The following WDPCP variants were observed in gnomAD, a reference collection of about 807,000 sequenced individuals.
WDPCP encodes WD repeat-containing and planar cell polarity effector protein fritz homolog.
A neutral mutation model predicts 93.1 loss-of-function variants in WDPCP; 71 were observed. The ratio of observed to expected loss-of-function variants is 0.76; its 90% CI spans 0.63 to 0.93. WDPCP has a LOEUF of 0.93. Among genes scored for constraint, WDPCP ranks in the 40% least tolerant of loss-of-function variants. WDPCP has a pLI of 0.00. For synonymous variants in WDPCP, 315 were observed against 315.0 expected (o/e 1.00, Z 0.00); for missense variants, 844 against 887.4 (o/e 0.95, Z 0.62).
chr2:63,699,933 C>A (rs1190736959), intron 2 of WDPCP, among the ~76,000 whole-genome samples: 1 of 152,000 alleles, frequency 6.6e-6, no homozygotes, highest in Non-Finnish European at 1.5e-5. Context: ...GGCTTTTGAG[C>A]AGGGGTGTGA....
intron 6 of WDPCP, among the ~76,000 whole-genome samples, chr2:63,444,062 A>G (rs544268479): frequency 3.3e-5 from 5 of 152,298 alleles, no homozygotes; most frequent in African/African-American, 1.2e-4. Flanking sequence ...CATCAACAAT[A>G]CAAAGGTAGT....
At chr2:63,579,837 A>C (rs1013744876) in intron 1 of WDPCP, among the ~76,000 whole-genome samples, 1 of 152,134 alleles carries the variant, frequency 6.6e-6, no homozygotes, top group Non-Finnish European at 1.5e-5. Context: ...TCTCATGTTG[A>C]AATTTGATGC....
At chr2:63,127,686 TATATATATAC>T (rs1402896359) in intron 17 of WDPCP, among the ~76,000 whole-genome samples, 3 of 147,054 alleles carry the variant, frequency 2.0e-5, no homozygotes, top group Non-Finnish European at 4.5e-5. Flanking sequence ...TATATATATA[TATATATATAC>T]GCACACACAC....
chr2:63,781,939 A>C (rs1012298560), intron 2 of WDPCP, among the ~76,000 whole-genome samples: 1 of 152,114 alleles, frequency 6.6e-6, no homozygotes, highest in African/African-American at 2.4e-5. Context: ...GTGTGTGTAT[A>C]TAAAAGGAGA....
At chr2:63,600,530 C>A (rs1709398717) in intron 3 of WDPCP, among the ~76,000 whole-genome samples, 1 of 152,176 alleles carries the variant, frequency 6.6e-6, no homozygotes, top group South Asian at 2.1e-4. Flanking sequence ...ATTGTATCTA[C>A]CTCAGAGAGT....
At chr2:63,268,133 A>G (rs567579841) in intron 13 of WDPCP, among the ~76,000 whole-genome samples, 1 of 152,344 alleles carries the variant, frequency 6.6e-6, no homozygotes, top group South Asian at 2.1e-4. Flanking sequence ...GATATTATAT[A>G]TATAGCCTTT....
intron 2 of WDPCP, among the ~76,000 whole-genome samples, chr2:63,763,435 G>C (rs903978291): frequency 6.6e-6 from 1 of 151,018 alleles, no homozygotes; most frequent in Non-Finnish European, 1.5e-5. Flanking sequence ...CTGAAAGGCA[G>C]AGGTTGCAGT....
At chr2:63,572,728 T>TAAAAAAAAAAAAA in intron 1 of WDPCP, among the ~76,000 whole-genome samples, 1 of 52,700 alleles carries the variant, frequency 1.9e-5, no homozygotes, top group Non-Finnish European at 3.5e-5. Flanking sequence ...AAAAAAAAAG[T>TAAAAAAAAAAAAA]TGGACAGCAT....
At chr2:63,279,211 G>A (rs963290670) in intron 13 of WDPCP, among the ~76,000 whole-genome samples, 1 of 152,180 alleles carries the variant, frequency 6.6e-6, no homozygotes, top group Non-Finnish European at 1.5e-5. Flanking sequence ...TATCTCTGAT[G>A]AACATAGATG....
intron 9 of WDPCP, among the ~76,000 whole-genome samples, chr2:63,414,494 CACAT>C (rs1227683908): frequency 1.3e-5 from 2 of 151,662 alleles, no homozygotes; most frequent in African/African-American, 4.8e-5. Flanking sequence ...CACACACACA[CACAT>C]ATATATACAC....
chr2:63,728,196 C>A (rs536025132), intron 2 of WDPCP, among the ~76,000 whole-genome samples: 83 of 152,280 alleles, frequency 5.5e-4, no homozygotes, highest in South Asian at 1.9e-3. Context: ...TTAATACAAG[C>A]AGTAGCATTA....
intron 2 of WDPCP, among the ~76,000 whole-genome samples, chr2:63,748,753 T>A (rs762989602): frequency 4.6e-5 from 7 of 152,134 alleles, no homozygotes; most frequent in Non-Finnish European, 7.4e-5. Context: ...TTTTGCTGTG[T>A]ATCACTCATG....
At chr2:63,355,141 A>C (rs1689919412) in intron 12 of WDPCP, among the ~76,000 whole-genome samples, 1 of 152,174 alleles carries the variant, frequency 6.6e-6, no homozygotes, top group South Asian at 2.1e-4. Flanking sequence ...ACACATAATC[A>C]TCAGATTTTC....
chr2:63,631,513 C>T (rs1035323392), intron 3 of WDPCP, among the ~76,000 whole-genome samples: 1 of 151,854 alleles, frequency 6.6e-6, no homozygotes, highest in Non-Finnish European at 1.5e-5. Context: ...ATGATGTCAG[C>T]AAGATGGAGG....
At chr2:63,666,235 A>C (rs574104720) in intron 2 of WDPCP, among the ~76,000 whole-genome samples, 12 of 152,306 alleles carry the variant, frequency 7.9e-5, no homozygotes, top group African/African-American at 2.9e-4. Flanking sequence ...AAAATGAAAT[A>C]TGTCCTCTGC....
chr2:63,413,451 C>T (rs1695170350), intron 9 of WDPCP, among the ~76,000 whole-genome samples: 1 of 152,124 alleles, frequency 6.6e-6, no homozygotes, highest in Non-Finnish European at 1.5e-5. Flanking sequence ...TCCCTCTGGA[C>T]ATTGGCTTAG....
intron 17 of WDPCP, among the ~76,000 whole-genome samples, chr2:63,134,840 T>C (rs555359964): frequency 8.5e-5 from 13 of 152,262 alleles, no homozygotes; most frequent in African/African-American, 3.1e-4. Context: ...AAGCTCAAGA[T>C]TGGGGGGCGC....
chr2:63,549,692 G>A (rs747635074), intron 1 of WDPCP, among the ~76,000 whole-genome samples: 11 of 152,128 alleles, frequency 7.2e-5, no homozygotes, highest in Non-Finnish European at 1.0e-4. Flanking sequence ...CTTGAACCAG[G>A]GTGGCAGAGG....
chr2:63,184,252 C>A lies in WDPCP; in HGVS notation c.1916-9420G>T, dbSNP rs74322862. Among the ~76,000 whole-genome samples, 13 of 151,762 alleles carry A rather than the reference C, an allele frequency of 8.6e-5. No individual in the cohort carries two copies. The East Asian group carries it at 2.5e-3, about 29-fold the overall frequency. ...TCTTTGTTGTTTGGTGGAGTTCTGT[C>A]CTGTTGTAATTTGATTTCTTTCTCT... On this transcript the variant is annotated intron_variant, in intron 14 of 17. Coordinates refer to ENST00000272321, the MANE Select transcript of WDPCP (RefSeq NM_015910.7).
Sources: gnomAD v4.1 joint callset for allele counts (sites outside exome capture counted in the v4.1 genomes callset) on GRCh38, gnomAD v4.1.1 for gene constraint, MANE v1.5 for transcripts, NCBI Gene and HGNC (gene_info 2026-07-23, HGNC 2026-07-21) for gene names.